The following VAV2 variants were observed in gnomAD, a reference collection of about 807,000 sequenced individuals.
VAV2 encodes the protein guanine nucleotide exchange factor VAV2.
A neutral mutation model predicts 132.5 loss-of-function variants in VAV2; 67 were observed. The observed-to-expected ratio is 0.51, with a 90% CI of 0.42 to 0.62. The LOEUF (loss-of-function observed/expected upper bound fraction) is 0.62, where lower values mean the gene tolerates loss of function less well. Among genes scored for constraint, VAV2 ranks in the 20% least tolerant of loss-of-function variants. The pLI is 0.00. For synonymous variants in VAV2, 492 were observed against 443.5 expected (o/e 1.11, Z -1.37); for missense variants, 938 against 1,153.6 (o/e 0.81, Z 2.71).
chr9:133,918,508 C>A lies in VAV2; in HGVS notation c.321+20595G>T, dbSNP rs1588369088. ...AGAGTCAGCCTGGAATCTCTGAGCC[C>A]CAACTAGTGCCAGGACAGTGCCAAG... On this transcript the variant is annotated intron_variant, in intron 2 of 29. Transcript: ENST00000371850. This position sits in a 1 kb window ranked among gnomAD's most constrained non-coding sequence, Gnocchi z 4.7. Among the ~76,000 whole-genome samples the A allele has an allele frequency of 6.8e-6, 1 of 146,960 alleles. No individual in the cohort carries two copies. Among genetic ancestry groups the A allele is most frequent in the East Asian group, 2.1e-4 (1 of 4,760 alleles).
At chr9:133,933,945 A>AGGG (rs530333106) in intron 2 of VAV2, among the ~76,000 whole-genome samples, 1 of 125,318 alleles carries the variant, frequency 8.0e-6, no homozygotes, top group Non-Finnish European at 1.6e-5. Context: ...GGATGGATGG[A>AGGG]TGGATGGTGG....
At chr9:133,940,041 C>T (rs536338849) in intron 1 of VAV2, among the ~76,000 whole-genome samples, 9 of 152,334 alleles carry the variant, frequency 5.9e-5, no homozygotes, top group African/African-American at 2.2e-4. Flanking sequence ...GGTAAGGAAA[C>T]TTATAAGGCA....
At position 133,804,658 on chromosome 9, in the gene VAV2, G is replaced by C. The variant is rs956194761; in HGVS notation, c.836+1423C>G. 1.3e-5 allele frequency among the ~76,000 whole-genome samples: 2 copies of C among 152,228 alleles called. No homozygotes were observed. Among genetic ancestry groups the C allele is most frequent in the Non-Finnish European group, 2.9e-5 (2 of 68,034 alleles). ...TCCCTTCCTGGCCGAGGGACAGCATGAACAAGGCGCTGAAAAGGACCACTG... is the reference window on the plus strand; with the variant it reads ...TCCCTTCCTGGCCGAGGGACAGCATCAACAAGGCGCTGAAAAGGACCACTG... On this transcript the variant is annotated intron_variant, in intron 9 of 29. Transcript: ENST00000371850. The surrounding 1 kb of genome is among the most constrained non-coding windows in gnomAD (Gnocchi z 4.5).
intron 1 of VAV2, among the ~76,000 whole-genome samples, chr9:133,990,364 C>A (rs1323788289): frequency 2.6e-5 from 4 of 152,200 alleles, no homozygotes; most frequent in African/African-American, 7.2e-5. Context: ...CCCAGGAAGT[C>A]TCTGGCTTGA....
In VAV2 at chr9:133,945,788, C is replaced by T. The variant is rs574309724; in HGVS notation, c.205-6569G>A. ...GTCTCTGGCTGGCATCCCTGAACCA[C>T]CGACTCCTGTCCTGCACAGTCCTAC... On this transcript the variant is annotated intron_variant, in intron 1 of 29. Coordinates refer to ENST00000371850, the MANE Select transcript of VAV2 (RefSeq NM_001134398.2). Among the ~76,000 whole-genome samples the T allele has an allele frequency of 6.6e-5, 10 of 152,356 alleles. No homozygotes were observed. The South Asian group carries it at 2.1e-3, about 32-fold the overall frequency.
chr9:133,987,286 G>A (rs1447413739), intron 1 of VAV2, among the ~76,000 whole-genome samples: 3 of 151,296 alleles, frequency 2.0e-5, no homozygotes, highest in Non-Finnish European at 4.4e-5. Flanking sequence ...CATTACACGA[G>A]GCCAGAGAGA....
Position 133,834,327 on chromosome 9 carries a change from C to T in VAV2, c.394G>A (p.Glu132Lys). Residue 132 changes from glutamate (E) to lysine (K), a missense_variant, in exon 4 of 30, where the codon GAG (glutamate) becomes AAG (lysine). Glu to Lys is a moderately conservative substitution (Grantham distance 56). Coordinates refer to ENST00000371850, the MANE Select transcript of VAV2 (RefSeq NM_001134398.2). This position sits in a 1 kb window ranked among gnomAD's most constrained non-coding sequence, Gnocchi z 5.9. ...QNKGIRPFPSEETTENDDDVY... is the reference protein window; with the variant it reads ...QNKGIRPFPSKETTENDDDVY... Reference sequence around the variant, plus strand: ...TCATCGTCATTCTCTGTGGTCTCCTCTGAGGGAAAAGGCCTGCGGAAGAGA... The same window carrying T: ...TCATCGTCATTCTCTGTGGTCTCCTTTGAGGGAAAAGGCCTGCGGAAGAGA... 1.2e-6 allele frequency: 2 copies of T among 1,612,770 alleles called. No homozygotes were observed. The highest frequency in any genetic ancestry group is 1.7e-6 in the Non-Finnish European group (2 of 1,179,502).
intron 1 of VAV2, among the ~76,000 whole-genome samples, chr9:133,963,368 G>A (rs777112608): frequency 3.3e-5 from 5 of 152,216 alleles, no homozygotes; most frequent in Admixed American, 6.5e-5. Context: ...CCATCAAGCA[G>A]GGAGGGCTGG....
At position 133,885,177 on chromosome 9, in the gene VAV2, T is replaced by G. The variant is rs1006900810; in HGVS notation, c.322-23745A>C. Among the ~76,000 whole-genome samples, 1 of 152,178 alleles carries G rather than the reference T, an allele frequency of 6.6e-6. No individual in the cohort carries two copies. The highest frequency in any genetic ancestry group is 2.4e-5 in the African/African-American group (1 of 41,440). Reference sequence around the variant, plus strand: ...GAACCAGTGACTTCATTTGCTCCAGTGTCCTGCGATTGATTCTTCTGAACT... The same window carrying G: ...GAACCAGTGACTTCATTTGCTCCAGGGTCCTGCGATTGATTCTTCTGAACT... On this transcript the variant is annotated intron_variant, in intron 2 of 29. Transcript: ENST00000371850. This position sits in a 1 kb window ranked among gnomAD's most constrained non-coding sequence, Gnocchi z 5.0.
At chr9:133,941,186 T>C (rs1841141863) in intron 1 of VAV2, among the ~76,000 whole-genome samples, 1 of 152,082 alleles carries the variant, frequency 6.6e-6, no homozygotes, top group African/African-American at 2.4e-5. Context: ...GGCGGGTAGA[T>C]CACTAGAGGT....
chr9:133,956,168 G>A (rs1286738592), intron 1 of VAV2, among the ~76,000 whole-genome samples: 2 of 152,124 alleles, frequency 1.3e-5, no homozygotes. Context: ...GAAGGAGGGA[G>A]CTTCCTCACT....
chr9:133,809,787 G>A (rs1199219259), intron 6 of VAV2, among the ~76,000 whole-genome samples: 3 of 152,246 alleles, frequency 2.0e-5, no homozygotes, highest in African/African-American at 4.8e-5. Context: ...CCAGGGTGAG[G>A]TGACAGGTGG....
chr9:133,856,083 A>G (rs558830335), intron 3 of VAV2, among the ~76,000 whole-genome samples: 1 of 152,338 alleles, frequency 6.6e-6, no homozygotes, highest in South Asian at 2.1e-4. Flanking sequence ...TTCCATGGAC[A>G]TGAAACATCC....
chr9:133,952,777 A>C (rs1019394573), intron 1 of VAV2, among the ~76,000 whole-genome samples: 1 of 152,198 alleles, frequency 6.6e-6, no homozygotes, highest in Non-Finnish European at 1.5e-5. Flanking sequence ...GGGCCACCAG[A>C]ATCTTGAAAA....
intron 2 of VAV2, among the ~76,000 whole-genome samples, chr9:133,864,622 G>A (rs62576551): frequency 4.3e-4 from 66 of 152,294 alleles, no homozygotes; most frequent in Non-Finnish European, 7.6e-4. Flanking sequence ...TCCTACCCCC[G>A]CCACCCCACA....
intron 29 of VAV2, 82 bp from the exon 30 acceptor site, chr9:133,764,191 C>G: frequency 6.4e-7 from 1 of 1,562,042 alleles, no homozygotes; most frequent in Non-Finnish European, 8.8e-7. Context: ...GGGGTGAGGG[C>G]AAGTAGAGGC....
chr9:133,882,377 C>A (rs1311252301), intron 2 of VAV2, among the ~76,000 whole-genome samples: 1 of 152,208 alleles, frequency 6.6e-6, no homozygotes, highest in Non-Finnish European at 1.5e-5. Context: ...GACATCTGTA[C>A]GGGGCTGGAG....
rs1400075749 is a variant in VAV2 at position 133,773,211 on chromosome 9, A to AG, written c.2136-1166_2136-1165insC. On this transcript the variant is annotated intron_variant, in intron 25 of 29. Transcript: ENST00000371850. ...ACACCCCACACCTAGGCTGGACGGC[A>AG]AAGCCTATTGCTCCCGGGCTACAGA... 2.8e-5 allele frequency among the ~76,000 whole-genome samples: 4 copies of AG among 144,118 alleles called. 2 individuals carry two copies. The highest frequency in any genetic ancestry group is 1.0e-4 in the African/African-American group (4 of 38,626). The allele number at this position is 144,118 out of a possible 152,430, so 94.5% of individuals were successfully genotyped here.
At chr9:133,771,510 T>C (rs1833624040) in intron 26 of VAV2, among the ~76,000 whole-genome samples, 1 of 152,248 alleles carries the variant, frequency 6.6e-6, no homozygotes, top group Admixed American at 6.5e-5. Flanking sequence ...TAAAATCATT[T>C]CAAGGACTAT....
Sources: gnomAD v4.1 joint callset for allele counts (sites outside exome capture counted in the v4.1 genomes callset) on GRCh38, gnomAD v4.1.1 for gene constraint, Gnocchi (gnomAD v3.1) non-coding constraint, MANE v1.5 for transcripts, NCBI Gene and HGNC (gene_info 2026-07-23, HGNC 2026-07-21) for gene names.